MAX: variants seen among roughly 807,000 people sequenced by gnomAD.
MAX encodes MYC associated transcriptional regulator X, also known as protein max.
MAX carries 3 observed loss-of-function variants against 22.3 expected under a neutral mutation model. The ratio of observed to expected loss-of-function variants is 0.13; its 90% CI spans 0.06 to 0.35. The LOEUF is 0.35. Ranked by LOEUF, MAX falls within the 10% of genes least tolerant of loss-of-function variation. The probability of loss-of-function intolerance (pLI) is 1.00; values close to 1 mark genes in which losing one functional copy is unlikely to be tolerated. For synonymous variants in MAX, 72 were observed against 77.7 expected, an observed-to-expected ratio of 0.93 and a Z score of 0.39; for missense variants, 119 against 209.4, an observed-to-expected ratio of 0.57 and a Z score of 2.66.
At chr14:65,022,396 A>G (rs544330612) in intron 3 of MAX, among the ~76,000 whole-genome samples, 5 of 151,292 alleles carry the variant, frequency 3.3e-5, no homozygotes, top group Non-Finnish European at 7.4e-5. Context: ...GAAGTTTTTT[A>G]TGTAACCTAA....
intron 3 of MAX, among the ~76,000 whole-genome samples, chr14:65,051,207 A>G (rs998847148): frequency 3.3e-5 from 5 of 152,216 alleles, no homozygotes; most frequent in African/African-American, 4.8e-5. Flanking sequence ...CCTGGCCTCT[A>G]AATGTCACCT....
intron 3 of MAX, among the ~76,000 whole-genome samples, chr14:65,058,515 G>A (rs938312003): frequency 6.6e-6 from 1 of 152,108 alleles, no homozygotes; most frequent in African/African-American, 2.4e-5. Flanking sequence ...AGGTAGTAGA[G>A]GGCATTCGTC....
At chr14:65,050,322 G>T (rs774431497) in intron 3 of MAX, among the ~76,000 whole-genome samples, 1 of 152,206 alleles carries the variant, frequency 6.6e-6, no homozygotes, top group Non-Finnish European at 1.5e-5. Flanking sequence ...CTGGCCGGGC[G>T]TGGTGGCTCA....
chr14:65,095,146 A>T (rs1400968192), intron 2 of MAX, among the ~76,000 whole-genome samples: 1 of 152,246 alleles, frequency 6.6e-6, no homozygotes, highest in Non-Finnish European at 1.5e-5. Context: ...ACAGAGGAAG[A>T]GGAGACTGGG....
chr14:65,012,119 A>G lies in MAX; in HGVS notation c.172-5835T>C. The G allele has an allele frequency of 1.7e-6, 1 of 573,816 alleles. No individual in the cohort carries two copies. 35.5% of individuals were successfully genotyped at this position (573,816 alleles called of 1,614,324 possible). On this transcript the variant is annotated intron_variant, in intron 3 of 3. Coordinates refer to the MAX transcript ENST00000341653. This position sits in a 1 kb window ranked among gnomAD's most constrained non-coding sequence, Gnocchi z 5.0. ...AGCTGGCATGGTTTTCAGATGCTTTAGAGACATTCAGACAAGAGCTTCTTT... is the reference window on the plus strand; with the variant it reads ...AGCTGGCATGGTTTTCAGATGCTTTGGAGACATTCAGACAAGAGCTTCTTT...
In MAX at chr14:65,077,967, G is replaced by T. The variant is rs1485256920; in HGVS notation, c.241C>A (p.His81Asn). The change falls in exon 4 of 5, where the codon CAC becomes AAC. Residue 81 changes from histidine to asparagine, a missense_variant. Around this residue, in one of 3 missense-constraint regions of MAX, gnomAD observed 95 missense variants for 148.1 expected, o/e 0.64. Coordinates refer to ENST00000358664, the MANE Select transcript of MAX (RefSeq NM_002382.5). The surrounding 1 kb of genome is among the most constrained non-coding windows in gnomAD (Gnocchi z 6.3). ...IQYMRRKNHT[H>N]QQDIDDLKRQ... ...TTGAGGTCGTCAATATCTTGCTGGTGTGTGTGGTTTTTCCTTCGCATATAC... is the reference window on the plus strand; with the variant it reads ...TTGAGGTCGTCAATATCTTGCTGGTTTGTGTGGTTTTTCCTTCGCATATAC... 6.2e-7 allele frequency: 1 copy of T among 1,614,230 alleles called. No homozygotes were observed. The highest frequency in any genetic ancestry group is 1.1e-5 in the South Asian group (1 of 91,092).
In MAX at chr14:65,079,849, G is replaced by C. The variant is rs949942574; in HGVS notation, c.172-1813C>G. On this transcript the variant is annotated intron_variant, in intron 3 of 4. Coordinates refer to ENST00000358664, the MANE Select transcript of MAX (RefSeq NM_002382.5). This position sits in a 1 kb window ranked among gnomAD's most constrained non-coding sequence, Gnocchi z 4.5. ...GTCCTCACAAGTACTAGAATTTCCA[G>C]GCTTTCCTCTTTAGCACCCTTAAGG... 6.6e-6 allele frequency among the ~76,000 whole-genome samples: 1 copy of C among 152,164 alleles called. No homozygotes were observed. Among genetic ancestry groups the C allele is most frequent in the Admixed American group, 6.5e-5 (1 of 15,274 alleles).
chr14:65,051,088 A>G (rs2062597580), intron 3 of MAX, among the ~76,000 whole-genome samples: 1 of 152,222 alleles, frequency 6.6e-6, no homozygotes, highest in South Asian at 2.1e-4. Context: ...AGCCAGCCTG[A>G]GATGGGAGAT....
In MAX at chr14:65,093,993, G is replaced by A. The variant is rs1023122428; in HGVS notation, c.64-178C>T. On this transcript the variant is annotated intron_variant, in intron 2 of 4. Coordinates refer to ENST00000358664, the MANE Select transcript of MAX (RefSeq NM_002382.5). The surrounding 1 kb of genome is among the most constrained non-coding windows in gnomAD (Gnocchi z 4.4). ...AGAATTAGGCTCTGCTAAAGGGGGAGAAAGGGGTGAGCAACGCTTGCGACA... is the reference window on the plus strand; with the variant it reads ...AGAATTAGGCTCTGCTAAAGGGGGAAAAAGGGGTGAGCAACGCTTGCGACA... 6.0e-6 allele frequency: 4 copies of A among 663,760 alleles called. No individual in the cohort carries two copies. The highest frequency in any genetic ancestry group is 1.1e-5 in the Non-Finnish European group (4 of 361,088). The allele number at this position is 663,760 out of a possible 1,614,324, so 41.1% of individuals were successfully genotyped here.
chr14:65,053,173 G>A, intron 3 of MAX: 4 of 1,232,330 alleles, frequency 3.2e-6, no homozygotes, highest in Non-Finnish European at 4.2e-6. Flanking sequence ...GTGAGAAAGT[G>A]GAATTAGGTC....
At chr14:65,098,128 C>A (rs187802969) in intron 2 of MAX, among the ~76,000 whole-genome samples, 10 of 152,260 alleles carry the variant, frequency 6.6e-5, no homozygotes, top group African/African-American at 2.4e-4. Flanking sequence ...TGGAAAAATT[C>A]TTTTAGACAT....
chr14:65,024,711 G>A (rs1197960723), intron 3 of MAX, among the ~76,000 whole-genome samples: 1 of 151,986 alleles, frequency 6.6e-6, no homozygotes, highest in East Asian at 1.9e-4. Flanking sequence ...AATGTTTTTT[G>A]CTTGTAATTT....
intron 3 of MAX, among the ~76,000 whole-genome samples, chr14:65,080,120 G>C (rs1280470005): frequency 1.3e-5 from 2 of 152,202 alleles, no homozygotes; most frequent in East Asian, 3.8e-4. Flanking sequence ...GCTTCTGGCT[G>C]GGGTGATTAC....
At position 65,047,871 on chromosome 14, in the gene MAX, C is replaced by A. The variant is rs370877018; in HGVS notation, c.172-41587G>T. Among the ~76,000 whole-genome samples the A allele has an allele frequency of 6.6e-6, 1 of 152,002 alleles. No homozygotes were observed. The highest frequency in any genetic ancestry group is 1.9e-4 in the East Asian group (1 of 5,190). On this transcript the variant is annotated intron_variant, in intron 3 of 3. Coordinates refer to the MAX transcript ENST00000341653. The surrounding 1 kb of genome is among the most constrained non-coding windows in gnomAD (Gnocchi z 5.2). ...TGGAGCAGTGCCTGGGCACACAGCC[C>A]GAGATGTACACAGCTTTTCCTGGAA...
rs147153531 is a variant in MAX at position 65,041,137 on chromosome 14, C to T, written c.172-34853G>A. Reference sequence around the variant, plus strand: ...AGCTTTTTACATAGTGTGTAGACTACATAGACTGTGTGCTGCAGACATCTG... The same window carrying T: ...AGCTTTTTACATAGTGTGTAGACTATATAGACTGTGTGCTGCAGACATCTG... On this transcript the variant is annotated intron_variant, in intron 3 of 3. Coordinates refer to the MAX transcript ENST00000341653. 3.4e-3 allele frequency among the ~76,000 whole-genome samples: 517 copies of T among 152,310 alleles called. 1 individual carries two copies. Among genetic ancestry groups the T allele is most frequent in the African/African-American group, 0.012 (489 of 41,568 alleles).
intron 3 of MAX, chr14:65,061,103 C>T: frequency 1.9e-6 from 3 of 1,568,356 alleles, no homozygotes; most frequent in Admixed American, 3.7e-5. Flanking sequence ...TTAGAAGTGC[C>T]TTTCATGGAG....
chr14:65,068,523 G>A (rs1434846418), intron 3 of MAX, among the ~76,000 whole-genome samples: 1 of 152,186 alleles, frequency 6.6e-6, no homozygotes, highest in Admixed American at 6.5e-5. Flanking sequence ...CATGGGAGAT[G>A]TTTATTCTCA....
chr14:65,067,698 C>T (rs990571823), intron 3 of MAX, among the ~76,000 whole-genome samples: 2 of 151,610 alleles, frequency 1.3e-5, no homozygotes, highest in African/African-American at 4.9e-5. Context: ...TCATGGCTCA[C>T]TGCAGCCTCA....
chr14:65,085,887 G>A (rs1396595491), intron 3 of MAX, among the ~76,000 whole-genome samples: 2 of 152,154 alleles, frequency 1.3e-5, no homozygotes, highest in African/African-American at 4.8e-5. Context: ...GCAAACAGAA[G>A]AGGGGTTGAT....
Sources: allele counts gnomAD v4.1 joint callset (sites outside exome capture counted in the v4.1 genomes callset), GRCh38; gene constraint gnomAD v4.1.1; regional missense constraint gnomAD v4.1.1; non-coding constraint Gnocchi (gnomAD v3.1); transcripts MANE v1.5; gene names NCBI Gene and HGNC (gene_info 2026-07-23, HGNC 2026-07-21).